The following SNX29 variants were observed in gnomAD, a reference collection of about 807,000 sequenced individuals.
SNX29 encodes the protein sorting nexin 29, also known as sorting nexin-29.
SNX29 carries 78 observed loss-of-function variants against 102.1 expected under a neutral mutation model. The observed-to-expected ratio is 0.76, with a 90% CI of 0.64 to 0.92. The LOEUF is 0.92. Among genes scored for constraint, SNX29 ranks in the 40% least tolerant of loss-of-function variants. The pLI is 0.00. For missense variants in SNX29, 1,280 were observed against 1,061.7 expected (o/e 1.21, Z -2.86); for synonymous variants, 580 against 414.5 (o/e 1.40, Z -4.85).
chr16:12,066,643 A>G (rs905711873), intron 9 of SNX29, among the ~76,000 whole-genome samples: 2 of 150,986 alleles, frequency 1.3e-5, no homozygotes, highest in Non-Finnish European at 2.9e-5. Flanking sequence ...GCCATGATTC[A>G]GGGCCACCTT....
intron 13 of SNX29, among the ~76,000 whole-genome samples, chr16:12,175,153 T>G (rs1390875002): frequency 6.6e-6 from 1 of 152,230 alleles, no homozygotes; most frequent in Non-Finnish European, 1.5e-5. Flanking sequence ...ATTACTAGGT[T>G]GCATTTTTAT....
intron 4 of SNX29, among the ~76,000 whole-genome samples, chr16:12,040,257 T>G (rs1029784350): frequency 6.6e-6 from 1 of 152,100 alleles, no homozygotes; most frequent in African/African-American, 2.4e-5. Context: ...TGCGTGCCTG[T>G]GTCTCAGCTA....
intron 19 of SNX29, among the ~76,000 whole-genome samples, chr16:12,497,881 G>C (rs13336098): frequency 1.3e-5 from 2 of 152,184 alleles, no homozygotes; most frequent in African/African-American, 4.8e-5. Context: ...CAATCACAGC[G>C]ACTGTGATTG....
chr16:12,079,842 C>A (rs73517804), intron 11 of SNX29, among the ~76,000 whole-genome samples: 8,422 of 152,074 alleles, frequency 0.055, 579 homozygotes, highest in African/African-American at 0.16. Context: ...TCATTCCAGG[C>A]GGCAGGAAGG....
At chr16:12,514,279 C>G (rs988421124) in intron 19 of SNX29, among the ~76,000 whole-genome samples, 1 of 152,166 alleles carries the variant, frequency 6.6e-6, no homozygotes, top group Non-Finnish European at 1.5e-5. Context: ...TGGGGAAAGT[C>G]CAGATTCTCT....
At chr16:12,359,998 A>G (rs1487337266) in intron 16 of SNX29, among the ~76,000 whole-genome samples, 1 of 152,010 alleles carries the variant, frequency 6.6e-6, no homozygotes, top group Non-Finnish European at 1.5e-5. Context: ...TAATTTTTGT[A>G]TTTTTAGTAG....
rs550011073 is a variant in SNX29, at chr16:12,548,761, C to G, written c.2319-19745C>G. Among the ~76,000 whole-genome samples the G allele has an allele frequency of 5.9e-5, 9 of 152,284 alleles. No homozygotes were observed. The East Asian group carries it at 1.5e-3, about 26-fold the overall frequency. ...AAGGTGTTTTCTGTGCTGAGCTCAT[C>G]TCTCATCCCCCAGCCACCACAGTGC... On this transcript the variant is annotated intron_variant, in intron 20 of 20. Coordinates refer to ENST00000566228, the MANE Select transcript of SNX29 (RefSeq NM_032167.5).
At chr16:12,337,091 A>G (rs751184772) in intron 15 of SNX29, among the ~76,000 whole-genome samples, 1 of 152,168 alleles carries the variant, frequency 6.6e-6, no homozygotes. Context: ...AGGTAGTGCT[A>G]AACTCTTTTA....
intron 11 of SNX29, among the ~76,000 whole-genome samples, chr16:12,089,534 TG>T (rs1239990986): frequency 6.6e-6 from 1 of 152,114 alleles, no homozygotes; most frequent in East Asian, 1.9e-4. Flanking sequence ...GCCTATGCCC[TG>T]TTTTAAGGCA....
chr16:12,551,536 T>C (rs920653950), intron 20 of SNX29, among the ~76,000 whole-genome samples: 3 of 152,208 alleles, frequency 2.0e-5, no homozygotes, highest in Admixed American at 6.5e-5. Context: ...GTTCCCCAGG[T>C]AATTCTAAGG....
intron 15 of SNX29, among the ~76,000 whole-genome samples, chr16:12,347,529 C>T (rs1255698798): frequency 1.3e-5 from 2 of 152,144 alleles, no homozygotes; most frequent in African/African-American, 4.8e-5. Context: ...TGACTTGGGA[C>T]ATTCGAGTCA....
chr16:12,466,494 G>A (rs913620342), intron 18 of SNX29, among the ~76,000 whole-genome samples: 3 of 152,196 alleles, frequency 2.0e-5, no homozygotes, highest in African/African-American at 7.2e-5. Context: ...ACAACTTTTA[G>A]TGGCTACTAC....
At chr16:12,390,372 C>G (rs1343606447) in intron 16 of SNX29, among the ~76,000 whole-genome samples, 2 of 152,144 alleles carry the variant, frequency 1.3e-5, no homozygotes, top group African/African-American at 2.4e-5. Context: ...AGGCTCCTCC[C>G]AGATGCCTCA....
At chr16:12,133,343 T>G (rs1033067173) in intron 13 of SNX29, among the ~76,000 whole-genome samples, 1 of 135,094 alleles carries the variant, frequency 7.4e-6, no homozygotes, top group African/African-American at 2.8e-5. Context: ...CAGGCTGGAG[T>G]GCAGTGATGC....
chr16:12,075,884 A>C (rs910895973), intron 10 of SNX29, among the ~76,000 whole-genome samples: 7 of 152,134 alleles, frequency 4.6e-5, no homozygotes, highest in East Asian at 1.9e-4. Flanking sequence ...GTGCCCCTCC[A>C]CCAGCCTCGC....
intron 19 of SNX29, among the ~76,000 whole-genome samples, chr16:12,500,751 G>GAGA (rs2089079962): frequency 6.6e-6 from 1 of 152,240 alleles, no homozygotes; most frequent in South Asian, 2.1e-4. Context: ...CCTGCTGCAT[G>GAGA]AGAATCTGCA....
rs16959460 is a variant in SNX29 at position 12,394,186 on chromosome 16, C to G, written c.1900-4260C>G. Among the ~76,000 whole-genome samples, 673 of 152,326 alleles carry G rather than the reference C, an allele frequency of 4.4e-3. 4 individuals carry two copies. The highest frequency in any genetic ancestry group is 0.016 in the African/African-American group (645 of 41,572). Reference sequence around the variant, plus strand: ...GACCCAGTTGTGCATCTGTATATGTCTACTCTGGAGCTATTGAGTCCTTTC... The same window carrying G: ...GACCCAGTTGTGCATCTGTATATGTGTACTCTGGAGCTATTGAGTCCTTTC... On this transcript the variant is annotated intron_variant, in intron 16 of 20. Transcript: ENST00000566228.
intron 20 of SNX29, among the ~76,000 whole-genome samples, chr16:12,533,724 G>C (rs1431044729): frequency 6.6e-6 from 1 of 152,148 alleles, no homozygotes; most frequent in Non-Finnish European, 1.5e-5. Flanking sequence ...GGTGCCTGTA[G>C]GTCTGGGTGG....
At chr16:12,316,825 C>T (rs1241062259) in intron 15 of SNX29, among the ~76,000 whole-genome samples, 2 of 152,278 alleles carry the variant, frequency 1.3e-5, no homozygotes, top group Admixed American at 1.3e-4. Context: ...GGTTGCTGCA[C>T]AGTGATCCTT....
Sources: gnomAD v4.1 joint callset for allele counts (sites outside exome capture counted in the v4.1 genomes callset) on GRCh38, gnomAD v4.1.1 for gene constraint, MANE v1.5 for transcripts, NCBI Gene and HGNC (gene_info 2026-07-23, HGNC 2026-07-21) for gene names.